PCDH11X: variants seen among roughly 807,000 people sequenced by gnomAD.
The protein encoded by PCDH11X is protocadherin 11 X-linked.
Under a neutral mutation model 53.3 loss-of-function variants are expected in PCDH11X, and 18 were observed. That is an observed-to-expected ratio of 0.34 (90% CI 0.23 to 0.50). The LOEUF is 0.50. PCDH11X is among the 20% of genes least tolerant of loss of function. The probability of loss-of-function intolerance (pLI) is 0.98; values close to 1 mark genes in which losing one functional copy is unlikely to be tolerated. For synonymous variants in PCDH11X, 279 were observed against 393.3 expected (o/e 0.71, Z 3.44); for missense variants, 570 against 1,032.4 (o/e 0.55, Z 6.14).
intron 10 of PCDH11X, among the ~76,000 whole-genome samples, chrX:92,527,184 A>C (rs1484467900): frequency 9.0e-6 from 1 of 111,564 alleles, no homozygotes; most frequent in Non-Finnish European, 1.9e-5. Flanking sequence ...AGAAAGAATA[A>C]ATAAAACCTA....
chrX:92,575,221 T>A (rs762054299), intron 10 of PCDH11X, among the ~76,000 whole-genome samples: 101 of 110,443 alleles, frequency 9.1e-4, no homozygotes, highest in Non-Finnish European at 1.6e-3. Flanking sequence ...ATGCATAGTT[T>A]GAATATATCA....
chrX:91,860,391 T>G (rs2147685673), intron 5 of PCDH11X, among the ~76,000 whole-genome samples: 1 of 106,275 alleles, frequency 9.4e-6, no homozygotes, highest in Non-Finnish European at 1.9e-5. Flanking sequence ...TTTTCTAGAT[T>G]TAGGATCATC....
intron 10 of PCDH11X, among the ~76,000 whole-genome samples, chrX:92,614,311 T>C (rs1927733436): frequency 9.0e-6 from 1 of 111,472 alleles, no homozygotes; most frequent in African/African-American, 3.3e-5. Context: ...TTTTGTTTTT[T>C]ATTTCAGTAT....
At chrX:92,295,273 G>T (rs912880884) in intron 8 of PCDH11X, among the ~76,000 whole-genome samples, 1 of 110,132 alleles carries the variant, frequency 9.1e-6, no homozygotes, top group African/African-American at 3.3e-5. Context: ...ATTTATATTG[G>T]TCATGTCTAA....
At chrX:91,783,339 T>A (rs1453621194) in intron 1 of PCDH11X, among the ~76,000 whole-genome samples, 1 of 111,550 alleles carries the variant, frequency 9.0e-6, no homozygotes, top group African/African-American at 3.3e-5. Context: ...CCCTGCCCCT[T>A]CCCCCTGGCT....
At chrX:91,782,178 C>G (rs1935172041) in intron 1 of PCDH11X, among the ~76,000 whole-genome samples, 1 of 112,395 alleles carries the variant, frequency 8.9e-6, no homozygotes, top group Admixed American at 9.3e-5. Context: ...GCTCGCAGCC[C>G]CCCCCTTCCA....
At position 91,982,702 on chromosome X, in the gene PCDH11X, C is replaced by T. The variant is rs760631742; in HGVS notation, c.3033+103429C>T. 333 of 1,056,721 alleles carry T rather than the reference C, an allele frequency of 3.2e-4. No individual in the cohort carries two copies. In the African/African-American group the frequency reaches 5.1e-3, roughly 16 times the overall value. The allele number at this position is 1,056,721 out of a possible 1,213,427, so 87.1% of individuals were successfully genotyped here. A position where few individuals can be genotyped will look rare whatever the true frequency, so the allele number is the denominator to read the frequency against. On this transcript the variant is annotated intron_variant, in intron 6 of 10. Coordinates refer to ENST00000682573, the MANE Select transcript of PCDH11X (RefSeq NM_032968.5). ...CCAAGCTTGTGGCCACCAGCATTGA[C>T]GTTCTTGCCATCCAGAAGAGCTGAC...
intron 6 of PCDH11X, among the ~76,000 whole-genome samples, chrX:91,896,151 G>T (rs1477467915): frequency 9.2e-6 from 1 of 108,785 alleles, no homozygotes; most frequent in Non-Finnish European, 1.9e-5. Context: ...TTGAGACAGA[G>T]TCTCTCTCTG....
intron 10 of PCDH11X, among the ~76,000 whole-genome samples, chrX:92,584,360 C>T (rs182997301): frequency 0.038 from 4,232 of 111,195 alleles, 170 homozygotes; most frequent in African/African-American, 0.12. Flanking sequence ...ATTTGATATA[C>T]CCTCAGCTAG....
intron 6 of PCDH11X, among the ~76,000 whole-genome samples, chrX:92,016,780 G>A (rs1264059450): frequency 1.8e-5 from 2 of 111,736 alleles, no homozygotes. Flanking sequence ...GTGTTCACTG[G>A]AGTAGCACTT....
intron 10 of PCDH11X, among the ~76,000 whole-genome samples, chrX:92,570,265 T>C (rs1459742578): frequency 8.9e-6 from 1 of 111,919 alleles, no homozygotes; most frequent in African/African-American, 3.2e-5. Context: ...ATTTTCAATG[T>C]GCATGTCTTG....
chrX:92,112,210 A>T (rs2064531906), intron 6 of PCDH11X, among the ~76,000 whole-genome samples: 1 of 109,500 alleles, frequency 9.1e-6, no homozygotes. Context: ...ACTGTGTGTG[A>T]TCAGAACAGG....
chrX:92,280,079 G>A (rs1258063062), intron 8 of PCDH11X, among the ~76,000 whole-genome samples: 2 of 112,138 alleles, frequency 1.8e-5, no homozygotes, highest in Non-Finnish European at 3.8e-5. Context: ...TGCTGTATAG[G>A]TTTGTAGACT....
intron 10 of PCDH11X, 151 bp downstream of exon 10, chrX:92,468,473 C>T: frequency 2.2e-6 from 1 of 456,534 alleles, no homozygotes; most frequent in Non-Finnish European, 3.4e-6. Flanking sequence ...TTTAAAATAT[C>T]TGAAATCTAG....
intron 10 of PCDH11X, among the ~76,000 whole-genome samples, chrX:92,566,145 G>C (rs1281336087): frequency 3.7e-5 from 4 of 108,780 alleles, no homozygotes; most frequent in Non-Finnish European, 7.7e-5. Context: ...TTTGGTTTGA[G>C]CATTACCAAG....
chrX:91,980,998 A>C (rs1465198629), intron 6 of PCDH11X, among the ~76,000 whole-genome samples: 1 of 99,947 alleles, frequency 1.0e-5, no homozygotes, highest in Non-Finnish European at 2.0e-5. Flanking sequence ...ATATATATAC[A>C]CTGAATATAT....
intron 9 of PCDH11X, among the ~76,000 whole-genome samples, chrX:92,436,610 G>A (rs1054513868): frequency 5.4e-5 from 6 of 111,358 alleles, no homozygotes; most frequent in Admixed American, 1.9e-4. Flanking sequence ...TAAAGAAAAC[G>A]TGGCACACAT....
chrX:92,314,277 C>A (rs2069024139), intron 8 of PCDH11X, among the ~76,000 whole-genome samples: 1 of 111,069 alleles, frequency 9.0e-6, no homozygotes, highest in Non-Finnish European at 1.9e-5. Context: ...ATATGTTCAG[C>A]TAGGCCTACA....
At chrX:92,170,952 C>T (rs760601980) in intron 6 of PCDH11X, among the ~76,000 whole-genome samples, 4 of 79,615 alleles carry the variant, frequency 5.0e-5, no homozygotes, top group African/African-American at 1.7e-4. Context: ...CCACTGCGCC[C>T]GGCCAAGCCT....
Sources: gnomAD v4.1 joint callset for allele counts (sites outside exome capture counted in the v4.1 genomes callset) on GRCh38, gnomAD v4.1.1 for gene constraint, MANE v1.5 for transcripts, NCBI Gene and HGNC (gene_info 2026-07-23, HGNC 2026-07-21) for gene names.